Variants in TP63 observed in about 807,000 individuals in gnomAD.
TP63 encodes the protein tumor protein p63.
TP63 carries 17 observed loss-of-function variants against 82.8 expected under a neutral mutation model. The ratio of observed to expected loss-of-function variants is 0.21; its 90% CI spans 0.14 to 0.31. The LOEUF (loss-of-function observed/expected upper bound fraction) is 0.31. Among genes scored for constraint, TP63 ranks in the 10% least tolerant of loss-of-function variants. The probability of loss-of-function intolerance (pLI) is 1.00; values close to 1 mark genes in which losing one functional copy is unlikely to be tolerated. For synonymous variants in TP63, 330 were observed against 321.7 expected (o/e 1.03, Z -0.28); for missense variants, 648 against 895.3 (o/e 0.72, Z 3.52).
chr3:189,849,419 A>G (rs967504923), intron 4 of TP63, among the ~76,000 whole-genome samples: 1 of 152,114 alleles, frequency 6.6e-6, no homozygotes, highest in African/African-American at 2.4e-5. Flanking sequence ...CCGGGTAGAC[A>G]GTGTCACAGT....
At chr3:189,813,921 C>A (rs1423431538) in intron 4 of TP63, among the ~76,000 whole-genome samples, 1 of 152,072 alleles carries the variant, frequency 6.6e-6, no homozygotes, top group Non-Finnish European at 1.5e-5. Flanking sequence ...AGAGAGTGTT[C>A]TTCCTTTGCC....
intron 4 of TP63, among the ~76,000 whole-genome samples, chr3:189,857,674 G>T (rs763072355): frequency 6.6e-6 from 1 of 151,932 alleles, no homozygotes; most frequent in African/African-American, 2.4e-5. Context: ...ACCCCAAATC[G>T]CCAAAATAAC....
the TP63 span, among the ~76,000 whole-genome samples, chr3:189,612,795 G>C: frequency 7.2e-5 from 11 of 152,192 alleles, no homozygotes; most frequent in African/African-American, 2.2e-4. Flanking sequence ...TGAGGAACTT[G>C]TTGGGAACTG....
At chr3:189,780,937 G>A (rs1005425412) in intron 3 of TP63, among the ~76,000 whole-genome samples, 3 of 152,058 alleles carry the variant, frequency 2.0e-5, no homozygotes, top group South Asian at 2.1e-4. Context: ...TTCTCATTTT[G>A]TGTTTGTGGT....
chr3:189,740,399 G>T (rs1720895473), intron 3 of TP63, among the ~76,000 whole-genome samples: 1 of 152,134 alleles, frequency 6.6e-6, no homozygotes, highest in Non-Finnish European at 1.5e-5. Flanking sequence ...TCTGTTCTCA[G>T]TCTTGGACTC....
At chr3:189,849,831 A>T (rs372368717) in intron 4 of TP63, among the ~76,000 whole-genome samples, 2 of 152,112 alleles carry the variant, frequency 1.3e-5, no homozygotes, top group African/African-American at 4.8e-5. Context: ...TATATCAGAA[A>T]ATTAGGAGAA....
At chr3:189,599,008 C>T in the TP63 span, among the ~76,000 whole-genome samples, 1 of 152,192 alleles carries the variant, frequency 6.6e-6, no homozygotes, top group African/African-American at 2.4e-5. Context: ...AAAGCAGAGG[C>T]TGAAGGAGGA....
chr3:189,657,126 A>G (rs1713450277), intron 1 of TP63, among the ~76,000 whole-genome samples: 1 of 152,062 alleles, frequency 6.6e-6, no homozygotes. Flanking sequence ...GACATGCTGT[A>G]AAAGGTAAAA....
chr3:189,881,747 A>G (rs544443943), intron 10 of TP63, among the ~76,000 whole-genome samples: 3 of 152,304 alleles, frequency 2.0e-5, no homozygotes, highest in East Asian at 1.9e-4. Context: ...CTTTAGCTCT[A>G]TGAGTTTTAA....
At chr3:189,745,289 C>A (rs1244427802) in intron 3 of TP63, among the ~76,000 whole-genome samples, 1 of 152,052 alleles carries the variant, frequency 6.6e-6, no homozygotes, top group African/African-American at 2.4e-5. Context: ...TTATTAAATT[C>A]TTAAATTCAA....
intron 1 of TP63, among the ~76,000 whole-genome samples, chr3:189,727,514 T>A (rs1422116866): frequency 1.3e-5 from 2 of 152,232 alleles, no homozygotes; most frequent in Non-Finnish European, 2.9e-5. Flanking sequence ...CTAGATGACT[T>A]AAGGTACTTC....
chr3:189,619,659 A>G, the TP63 span, among the ~76,000 whole-genome samples: 11 of 152,196 alleles, frequency 7.2e-5, no homozygotes, highest in Admixed American at 7.2e-4. Context: ...AGCAGTAACC[A>G]TAAAGCTCTG....
intron 10 of TP63, chr3:189,880,994 CAAATCCACCCCAGTAATAT>C (rs1719849880): frequency 4.1e-6 from 4 of 985,290 alleles, no homozygotes; most frequent in Non-Finnish European, 4.8e-6. Context: ...AATAGAAAGA[CAAATCCACCCCAGTAATAT>C]TGCCCTTACG....
intron 9 of TP63, among the ~76,000 whole-genome samples, chr3:189,871,225 C>T (rs1718382310): frequency 6.6e-6 from 1 of 152,002 alleles, no homozygotes; most frequent in Non-Finnish European, 1.5e-5. Flanking sequence ...AGGAAAAACT[C>T]CATTAATTTA....
At chr3:189,680,509 G>A (rs1045279633) in intron 1 of TP63, among the ~76,000 whole-genome samples, 2 of 152,016 alleles carry the variant, frequency 1.3e-5, no homozygotes, top group African/African-American at 4.8e-5. Context: ...AATATCCCTG[G>A]TGAACACAGA....
intron 10 of TP63, among the ~76,000 whole-genome samples, chr3:189,882,702 C>T (rs1207760499): frequency 1.3e-5 from 2 of 152,116 alleles, no homozygotes; most frequent in African/African-American, 2.4e-5. Context: ...TAACTTGTGT[C>T]TGCGCAGGAA....
rs1170915225 is a variant in TP63, at chr3:189,655,621, CA to C, written c.62+24053del. 6.2e-5 allele frequency among the ~76,000 whole-genome samples: 9 copies of C among 145,948 alleles called. No individual in the cohort carries two copies. In the East Asian group the frequency reaches 1.0e-3, roughly 16 times the overall value. ...TGGGCGACAGAGTGAGACTCTGTCT[CA>C]AAAAAAAAGAAAAAATAAAATAAAT... On this transcript the variant is annotated intron_variant, in intron 1 of 13. Transcript: ENST00000264731.
In TP63 at chr3:189,896,643, T is replaced by C. The variant is rs987089469; in HGVS notation, c.*2141T>C. On this transcript the variant is annotated 3_prime_UTR_variant, in exon 14 of 14. Transcript: ENST00000264731. ...ACTGCTTCCCTTACTTTGCTGAGGG[T>C]TTGAATAAACCTAGGACTTCCGAGC... is the stretch of plus-strand genomic sequence containing the variant. The C allele has an allele frequency of 4.8e-6, 1 of 206,848 alleles. No homozygotes were observed. Among genetic ancestry groups the C allele is most frequent in the African/African-American group, 2.3e-5 (1 of 43,854 alleles). 12.8% of individuals were successfully genotyped at this position (206,848 alleles called of 1,614,324 possible).
At chr3:189,635,990 C>T (rs1729752894) in intron 1 of TP63, among the ~76,000 whole-genome samples, 1 of 152,200 alleles carries the variant, frequency 6.6e-6, no homozygotes, top group South Asian at 2.1e-4. Flanking sequence ...GTTTCTCTGA[C>T]TGAAAGGAAT....
Sources: gnomAD v4.1 joint callset for allele counts (sites outside exome capture counted in the v4.1 genomes callset) on GRCh38, gnomAD v4.1.1 for gene constraint, MANE v1.5 for transcripts, NCBI Gene and HGNC (gene_info 2026-07-23, HGNC 2026-07-21) for gene names.